HMGCL: variants seen among roughly 807,000 people sequenced by gnomAD.
HMGCL encodes 3-hydroxy-3-methylglutaryl-CoA lyase.
HMGCL carries 26 observed loss-of-function variants against 37.3 expected under a neutral mutation model. The ratio of observed to expected loss-of-function variants is 0.70; its 90% CI spans 0.51 to 0.97. The LOEUF is 0.97. Among genes scored for constraint, HMGCL ranks in the 50% least tolerant of loss-of-function variants. The pLI is 0.00. For synonymous variants in HMGCL, 151 were observed against 148.0 expected, an observed-to-expected ratio of 1.02 and a Z score of -0.15; for missense variants, 379 against 398.1, an observed-to-expected ratio of 0.95 and a Z score of 0.41.
At chr1:23,808,410 A>C (rs1220460923) in intron 6 of HMGCL, 87 bp from the exon 7 acceptor site, 9 of 1,100,940 alleles carry the variant, frequency 8.2e-6, no homozygotes, top group Non-Finnish European at 1.3e-5. Flanking sequence ...TTGCCTGGGC[A>C]GAACACTTCT....
chr1:23,816,833 A>G, intron 3 of HMGCL, 63 bp from the exon 4 acceptor site: 2 of 1,016,288 alleles, frequency 2.0e-6, no homozygotes, highest in South Asian at 1.3e-5. Flanking sequence ...TCAGTTAGAG[A>G]AAACCTTTTC....
At chr1:23,807,353 C>A in intron 7 of HMGCL, 2 of 453,380 alleles carry the variant, frequency 4.4e-6, no homozygotes, top group South Asian at 3.2e-5. Context: ...AGGAAACCGA[C>A]CCAGAACATA....
In HMGCL at chr1:23,819,753, GCGCGTGCGTA is replaced by G. The variant is rs200400989; in HGVS notation, c.144+747_144+756del. ...CCCAAAAACACACACACACACACGC[GCGCGTGCGTA>G]CGCGCACATGCACTATTTGTTTTTG... is the stretch of plus-strand genomic sequence containing the variant. On this transcript the variant is annotated intron_variant, in intron 2 of 8. Coordinates refer to ENST00000374490, the MANE Select transcript of HMGCL (RefSeq NM_000191.3). Among the ~76,000 whole-genome samples, 1,037 of 152,222 alleles carry G rather than the reference GCGCGTGCGTA, an allele frequency of 6.8e-3. 17 individuals are homozygous for G. The highest frequency in any genetic ancestry group is 0.023 in the African/African-American group (973 of 41,546).
At chr1:23,825,331 C>G in intron 1 of HMGCL, 25 bp downstream of exon 1, 1 of 1,546,846 alleles carries the variant, frequency 6.5e-7, no homozygotes, top group Non-Finnish European at 8.7e-7. Flanking sequence ...GCAGGGCCGC[C>G]GCCTCGGCGG....
chr1:23,820,538 C>A lies in HMGCL; in HGVS notation c.116G>T (p.Gly39Val), dbSNP rs1353564142. The A allele has an allele frequency of 3.7e-6, 6 of 1,613,878 alleles. No individual in the cohort carries two copies. The highest frequency in any genetic ancestry group is 5.1e-6 in the Non-Finnish European group (6 of 1,179,924). ...TTCATTTTGTAGTCCATCTCGGGGA[C>A]CAACTTCCACAATTTTCACCCGCTT... ...LPKRVKIVEV[G>V]PRDGLQNEKN... The change falls in exon 2 of 9, where the codon GGT (glycine) becomes GTT (valine). Residue 39 changes from glycine to valine, a missense_variant. By Grantham distance (109) the Gly-to-Val change is moderately radical. Coordinates refer to ENST00000374490, the MANE Select transcript of HMGCL (RefSeq NM_000191.3).
intron 7 of HMGCL, among the ~76,000 whole-genome samples, chr1:23,807,629 CCTCT>C (rs1232290412): frequency 4.6e-5 from 7 of 152,166 alleles, no homozygotes; most frequent in Non-Finnish European, 8.8e-5. Flanking sequence ...AAAGCCTCTC[CCTCT>C]GAGTGACCTC....
Position 23,817,520 on chromosome 1 carries a change from CAG to C in HMGCL, c.206_207del (p.Ser69CysfsTer11), listed in dbSNP as rs752137615. The C allele has an allele frequency of 1.4e-5, 23 of 1,613,864 alleles. No individual in the cohort carries two copies. The highest frequency in any genetic ancestry group is 1.3e-4 in the South Asian group (12 of 91,082). ...GACACAAAGCTGGTGGTTTCTATAA[CAG>C]AGAGTCCTGCTTCAGAAAGCATGTC... ...LIDMLSEAGL[S>X]VIETTSFVSP... On this transcript the variant is annotated frameshift_variant, in exon 3 of 9. Transcript: ENST00000374490. LOFTEE classifies it high-confidence loss of function.
chr1:23,809,015 C>T (rs1638466587), intron 6 of HMGCL, among the ~76,000 whole-genome samples: 1 of 150,160 alleles, frequency 6.7e-6, no homozygotes, highest in Admixed American at 6.7e-5. Flanking sequence ...AAGTGATTCT[C>T]CTGTCTCAGT....
chr1:23,805,644 C>G (rs1015154720), intron 7 of HMGCL, among the ~76,000 whole-genome samples: 4 of 152,160 alleles, frequency 2.6e-5, no homozygotes, highest in African/African-American at 9.7e-5. Flanking sequence ...TCTAGCCTCT[C>G]CTGAGGCCTC....
chr1:23,801,946 G>T lies in HMGCL; in HGVS notation c.*517C>A. The T allele has an allele frequency of 7.1e-6, 3 of 422,222 alleles. No individual in the cohort carries two copies. The highest frequency in any genetic ancestry group is 1.8e-4 in the South Asian group (2 of 11,024). 26.2% of individuals were successfully genotyped at this position (422,222 alleles called of 1,614,324 possible). On this transcript the variant is annotated 3_prime_UTR_variant, in exon 9 of 9. Coordinates refer to ENST00000374490, the MANE Select transcript of HMGCL (RefSeq NM_000191.3). ...GTTTTCAAAAATCACATTCAGCGTGGAGATTTTCCAGAGATGCTGGAGTTG... is the reference window on the plus strand; with the variant it reads ...GTTTTCAAAAATCACATTCAGCGTGTAGATTTTCCAGAGATGCTGGAGTTG...
intron 2 of HMGCL, among the ~76,000 whole-genome samples, chr1:23,819,448 G>A (rs191866168): frequency 6.6e-6 from 1 of 152,212 alleles, no homozygotes; most frequent in African/African-American, 2.4e-5. Flanking sequence ...AAAATACATG[G>A]CCAGGCGCAT....
At chr1:23,804,946 CCACATCCCATCTTCCCAGGTCAGT>C (rs1638377092) in intron 7 of HMGCL, among the ~76,000 whole-genome samples, 1 of 148,704 alleles carries the variant, frequency 6.7e-6, no homozygotes, top group African/African-American at 2.5e-5. Context: ...CACACGAGGG[CCACATCCCATCTTCCCAGGTCAGT>C]CACCTCCCAC....
chr1:23,814,466 G>T, intron 4 of HMGCL, 128 bp from the exon 5 acceptor site: 1 of 1,043,472 alleles, frequency 9.6e-7, no homozygotes, highest in Non-Finnish European at 1.4e-6. Context: ...CACCTCCTGG[G>T]TTCAAGCGAT....
In HMGCL at chr1:23,810,720, T is replaced by A. The variant is rs752664346; in HGVS notation, c.561+16A>T. 7 of 1,613,236 alleles carry A rather than the reference T, an allele frequency of 4.3e-6. No homozygotes were observed. In the South Asian group the frequency reaches 7.7e-5, roughly 18 times the overall value. Reference sequence around the variant, plus strand: ...CCAACCCTCACCAAACCCCCCGCCCTGACACATGCACACACCTCAGCTACT... The same window carrying A: ...CCAACCCTCACCAAACCCCCCGCCCAGACACATGCACACACCTCAGCTACT... On this transcript the variant is annotated intron_variant, in intron 6 of 8. Coordinates refer to ENST00000374490, the MANE Select transcript of HMGCL (RefSeq NM_000191.3).
At chr1:23,812,584 G>C (rs1557489895) in intron 5 of HMGCL, among the ~76,000 whole-genome samples, 1 of 152,054 alleles carries the variant, frequency 6.6e-6, no homozygotes, top group Non-Finnish European at 1.5e-5. Flanking sequence ...CAAACTCCTG[G>C]GCTGAAGCAA....
Position 23,808,152 on chromosome 1 carries a change from T to G in HMGCL, c.733A>C (p.Thr245Pro). 2 of 1,613,856 alleles carry G rather than the reference T, an allele frequency of 1.2e-6. No homozygotes were observed. Among genetic ancestry groups the G allele is most frequent in the Non-Finnish European group, 1.7e-6 (2 of 1,179,950 alleles). Residue 245 changes from threonine (T) to proline (P), a missense_variant, in exon 7 of 9, where the codon ACC (threonine) becomes CCC (proline). Physicochemically the swap from Thr to Pro is conservative, Grantham distance 38. Coordinates refer to ENST00000374490, the MANE Select transcript of HMGCL (RefSeq NM_000191.3). ...TTGATTACCTGCAGGGCCATCAAGG[T>G]GTTGGCCAGGGCTTGACCATAGGTG... ...HDTYGQALAN[T>P]LMALQMGVSV...
chr1:23,810,683 C>T, intron 6 of HMGCL, 53 bp downstream of exon 6: 1 of 1,491,738 alleles, frequency 6.7e-7, no homozygotes, highest in Non-Finnish European at 9.4e-7. Context: ...CGCTCAGGGG[C>T]AGACAAGGTG....
Position 23,802,400 on chromosome 1 carries a change from A to G in HMGCL, c.*63T>C, listed in dbSNP as rs1638297238. ...TATTCTCATTTCCATGTCCCCATCC[A>G]TGAATCATCTGTGTGTGCCCCTATT... is the stretch of plus-strand genomic sequence containing the variant. On this transcript the variant is annotated 3_prime_UTR_variant, in exon 9 of 9. Coordinates refer to ENST00000374490, the MANE Select transcript of HMGCL (RefSeq NM_000191.3). The G allele has an allele frequency of 3.1e-6, 3 of 982,648 alleles. No homozygotes were observed. Among genetic ancestry groups the G allele is most frequent in the South Asian group, 2.6e-5 (2 of 78,412 alleles). 60.9% of individuals were successfully genotyped at this position (982,648 alleles called of 1,614,324 possible). A position where few individuals can be genotyped will look rare whatever the true frequency, so the allele number is the denominator to read the frequency against.
rs74062789 is a variant in HMGCL at position 23,807,386 on chromosome 1, C to T, written c.750+749G>A. On this transcript the variant is annotated intron_variant, in intron 7 of 8. Coordinates refer to ENST00000374490, the MANE Select transcript of HMGCL (RefSeq NM_000191.3). ...ATAACAGACTCACCTGGCTTAGACA[C>T]GAACCTCTAGGGGATAATTGAGAGG... 1.4e-3 allele frequency: 548 copies of T among 383,386 alleles called. 4 individuals carry two copies. The highest frequency in any genetic ancestry group is 0.01 in the African/African-American group (493 of 47,482). 23.7% of individuals were successfully genotyped at this position (383,386 alleles called of 1,614,324 possible).
Sources: allele counts gnomAD v4.1 joint callset (sites outside exome capture counted in the v4.1 genomes callset), GRCh38; gene constraint gnomAD v4.1.1; transcripts MANE v1.5; gene names NCBI Gene and HGNC (gene_info 2026-07-23, HGNC 2026-07-21).